MAGI2: variants seen among roughly 807,000 people sequenced by gnomAD.
MAGI2 encodes membrane associated guanylate kinase, WW and PDZ domain containing 2.
Under a neutral mutation model 133.3 loss-of-function variants are expected in MAGI2, and 35 were observed. That is an observed-to-expected ratio of 0.26 (90% CI 0.20 to 0.35). The LOEUF (loss-of-function observed/expected upper bound fraction) is 0.35. Ranked by LOEUF, MAGI2 falls within the 10% of genes least tolerant of loss-of-function variation. The pLI is 1.00. For missense variants in MAGI2, 1,636 were observed against 1,863.4 expected (o/e 0.88, Z 2.25); for synonymous variants, 729 against 710.6 (o/e 1.03, Z -0.41).
At chr7:78,872,400 A>G (rs1315440048) in intron 2 of MAGI2, among the ~76,000 whole-genome samples, 1 of 152,142 alleles carries the variant, frequency 6.6e-6, no homozygotes, top group African/African-American at 2.4e-5. Context: ...AATACATCTC[A>G]TCAATAAGTT....
chr7:79,409,088 A>G (rs1276403414), intron 1 of MAGI2, among the ~76,000 whole-genome samples: 1 of 152,172 alleles, frequency 6.6e-6, no homozygotes, highest in Non-Finnish European at 1.5e-5. Flanking sequence ...GTTTTAGTGT[A>G]GCTTATACAA....
intron 1 of MAGI2, among the ~76,000 whole-genome samples, chr7:79,038,704 C>A (rs770255557): frequency 1.3e-5 from 2 of 152,082 alleles, no homozygotes; most frequent in Non-Finnish European, 2.9e-5. Flanking sequence ...AATATAATTT[C>A]TTTAATGAAT....
intron 4 of MAGI2, among the ~76,000 whole-genome samples, chr7:78,504,550 G>A (rs1439806457): frequency 1.3e-5 from 2 of 152,118 alleles, no homozygotes; most frequent in African/African-American, 4.8e-5. Context: ...GAAAGGTAGT[G>A]AGAGGCAATG....
chr7:78,791,372 T>C (rs902076742), intron 2 of MAGI2, among the ~76,000 whole-genome samples: 1 of 152,170 alleles, frequency 6.6e-6, no homozygotes, highest in African/African-American at 2.4e-5. Context: ...CAGGCATTAT[T>C]ATTAATGGTA....
chr7:78,108,687 A>AGTGTATATATGT (rs1818964547), intron 20 of MAGI2, among the ~76,000 whole-genome samples: 8 of 148,680 alleles, frequency 5.4e-5, no homozygotes, highest in South Asian at 2.1e-4. Context: ...CATATATGTG[A>AGTGTATATATGT]GTGTATACAC....
chr7:79,389,274 G>A (rs887399383), intron 1 of MAGI2, among the ~76,000 whole-genome samples: 4 of 151,960 alleles, frequency 2.6e-5, no homozygotes, highest in African/African-American at 9.7e-5. Flanking sequence ...GCTATGGTCA[G>A]TATGCCATAA....
At chr7:78,309,615 G>T (rs1406364920) in intron 9 of MAGI2, among the ~76,000 whole-genome samples, 1 of 152,048 alleles carries the variant, frequency 6.6e-6, no homozygotes, top group African/African-American at 2.4e-5. Flanking sequence ...CCAAACGTCA[G>T]TGTCACACAA....
chr7:79,424,075 A>T (rs1239257375), intron 1 of MAGI2, among the ~76,000 whole-genome samples: 1 of 152,092 alleles, frequency 6.6e-6, no homozygotes, highest in Non-Finnish European at 1.5e-5. Flanking sequence ...CAAATTAATC[A>T]CAGAATGTTA....
intron 2 of MAGI2, among the ~76,000 whole-genome samples, chr7:78,711,113 T>A (rs1819141029): frequency 6.6e-6 from 1 of 152,170 alleles, no homozygotes; most frequent in Non-Finnish European, 1.5e-5. Flanking sequence ...TTTAGTGATA[T>A]GAAGTTCACA....
chr7:78,752,486 C>A (rs1207874), intron 2 of MAGI2, among the ~76,000 whole-genome samples: 40,445 of 151,970 alleles, frequency 0.27, 5,960 homozygotes, highest in South Asian at 0.47. Context: ...ACCTGTAATC[C>A]CAGCTACTTG....
At chr7:78,453,553 G>A (rs1028714940) in intron 6 of MAGI2, among the ~76,000 whole-genome samples, 3 of 152,138 alleles carry the variant, frequency 2.0e-5, no homozygotes, top group African/African-American at 7.2e-5. Flanking sequence ...CCTCAGGTGA[G>A]CTAGTCAACT....
intron 2 of MAGI2, among the ~76,000 whole-genome samples, chr7:78,750,109 C>T (rs2151275608): frequency 6.6e-6 from 1 of 152,282 alleles, no homozygotes; most frequent in Non-Finnish European, 1.5e-5. Context: ...TCATCTCCCA[C>T]TTATGAATGA....
chr7:78,822,736 G>A (rs1339694578), intron 2 of MAGI2, among the ~76,000 whole-genome samples: 4 of 152,080 alleles, frequency 2.6e-5, no homozygotes, highest in African/African-American at 7.2e-5. Context: ...CATGCCTGAA[G>A]TATTCAGTGA....
chr7:78,783,012 C>CTTTTTTTTTT (rs11432048), intron 2 of MAGI2, among the ~76,000 whole-genome samples: 18 of 96,222 alleles, frequency 1.9e-4, no homozygotes, highest in Non-Finnish European at 2.1e-4. Flanking sequence ...TGATTCTTAC[C>CTTTTTTTTTT]TTTTTTTTTT....
intron 1 of MAGI2, among the ~76,000 whole-genome samples, chr7:79,015,223 G>A (rs1342305780): frequency 6.6e-6 from 1 of 152,012 alleles, no homozygotes; most frequent in Admixed American, 6.6e-5. Context: ...GGGAGGCTGA[G>A]GCAGGAGGAT....
At chr7:78,579,297 G>C (rs1367885224) in intron 3 of MAGI2, among the ~76,000 whole-genome samples, 1 of 152,176 alleles carries the variant, frequency 6.6e-6, no homozygotes, top group Non-Finnish European at 1.5e-5. Context: ...ATACATATCA[G>C]ATGGGTGAAT....
At chr7:78,673,605 A>C (rs1814652887) in intron 2 of MAGI2, among the ~76,000 whole-genome samples, 1 of 151,932 alleles carries the variant, frequency 6.6e-6, no homozygotes, top group East Asian at 1.9e-4. Flanking sequence ...AGGCAAGAGG[A>C]GTTCCCTTTC....
At chr7:78,034,971 G>A (rs10486837) in intron 21 of MAGI2, 25,820 of 152,326 alleles carry the variant, frequency 0.17, 2,247 homozygotes, top group South Asian at 0.27. Flanking sequence ...TATTTGGGGG[G>A]ACTCCACATG....
At chr7:78,421,335 C>A (rs1798776779) in intron 6 of MAGI2, among the ~76,000 whole-genome samples, 1 of 152,162 alleles carries the variant, frequency 6.6e-6, no homozygotes, top group African/African-American at 2.4e-5. Flanking sequence ...AATCATACAA[C>A]CACTATGGCC....
Sources: gnomAD v4.1 joint callset for allele counts (sites outside exome capture counted in the v4.1 genomes callset) on GRCh38, gnomAD v4.1.1 for gene constraint, MANE v1.5 for transcripts, NCBI Gene and HGNC (gene_info 2026-07-23, HGNC 2026-07-21) for gene names.